TERB1: variants seen among roughly 807,000 people sequenced by gnomAD.
The protein encoded by TERB1 is telomere repeats-binding bouquet formation protein 1.
Under a neutral mutation model 92.3 loss-of-function variants are expected in TERB1, and 63 were observed. The ratio of observed to expected loss-of-function variants is 0.68; its 90% confidence interval spans 0.56 to 0.84. The LOEUF is 0.84. Among genes scored for constraint, TERB1 ranks in the 40% least tolerant of loss-of-function variants. The probability of loss-of-function intolerance (pLI) is 0.00; values close to 1 mark genes in which losing one functional copy is unlikely to be tolerated. For synonymous variants in TERB1, 252 were observed against 283.9 expected (o/e 0.89, Z 1.13); for missense variants, 709 against 843.7 (o/e 0.84, Z 1.98).
At chr16:66,776,775 A>G (rs1056700853) in intron 11 of TERB1, among the ~76,000 whole-genome samples, 1 of 152,202 alleles carries the variant, frequency 6.6e-6, no homozygotes, top group Non-Finnish European at 1.5e-5. Context: ...AATAGGTAGA[A>G]AAAGAAAGAA....
rs1327695872 is a variant in TERB1 at position 66,775,122 on chromosome 16, T to A, written c.1107A>T (p.Lys369Asn). ...TTAAAGTAATAGTACACTTACTAATTTTTTTGCAGTTGTGAAGCACAAATG... is the reference window on the plus strand; with the variant it reads ...TTAAAGTAATAGTACACTTACTAATATTTTTGCAGTTGTGAAGCACAAATG... ...AATFVLHNCK[K>N]ITEKLSLSLG... Residue 369 changes from lysine to asparagine, a missense_variant, in exon 12 of 19, where the codon AAA becomes AAT. Transcript: ENST00000433154. 1 of 1,551,502 alleles carries A rather than the reference T, an allele frequency of 6.4e-7. No homozygotes were observed.
chr16:66,801,969 C>A (rs949856959), upstream of TERB1, among the ~76,000 whole-genome samples: 3 of 152,182 alleles, frequency 2.0e-5, no homozygotes, highest in African/African-American at 7.2e-5. Flanking sequence ...TCACCACAGC[C>A]CCACAGGGGC....
At chr16:66,761,160 A>G (rs113611294) in intron 16 of TERB1, among the ~76,000 whole-genome samples, 84 of 151,494 alleles carry the variant, frequency 5.5e-4, no homozygotes, top group African/African-American at 2.0e-3. Flanking sequence ...GAAAATAAAA[A>G]GAGCATCTAG....
chr16:66,779,154 C>A, intron 9 of TERB1, 139 bp from the exon 10 acceptor site: 1 of 553,140 alleles, frequency 1.8e-6, no homozygotes, highest in Non-Finnish European at 2.9e-6. Context: ...ACTAAAAATC[C>A]AATCTTTACC....
At chr16:66,779,433 C>T (rs775818157) in intron 9 of TERB1, among the ~76,000 whole-genome samples, 5 of 151,994 alleles carry the variant, frequency 3.3e-5, no homozygotes, top group Non-Finnish European at 5.9e-5. Context: ...CCCATCTCTA[C>T]TAAAAATAAA....
rs552355122 is a variant in TERB1, at chr16:66,801,026, G to C, written c.-82C>G. 1 of 152,412 alleles carries C rather than the reference G, an allele frequency of 6.6e-6. No homozygotes were observed. The highest frequency in any genetic ancestry group is 1.9e-4 in the East Asian group (1 of 5,172). 9.4% of individuals were successfully genotyped at this position (152,412 alleles called of 1,614,324 possible). A position where few individuals can be genotyped will look rare whatever the true frequency, so the allele number is the denominator to read the frequency against. Reference sequence around the variant, plus strand: ...TGCAGAGCTTAGGTGGCCCCTCCAGGCTCCTCTCTGACCAGGGCTCGCAAG... The same window carrying C: ...TGCAGAGCTTAGGTGGCCCCTCCAGCCTCCTCTCTGACCAGGGCTCGCAAG... On this transcript the variant is annotated 5_prime_UTR_variant, in exon 2 of 19. Transcript: ENST00000433154.
intron 9 of TERB1, among the ~76,000 whole-genome samples, chr16:66,784,748 A>ATT (rs34949570): frequency 3.4e-5 from 4 of 117,600 alleles, no homozygotes; most frequent in South Asian, 5.4e-4. Context: ...TTAATTTTTA[A>ATT]TTTTTTTTTT....
chr16:66,780,573 C>CA (rs5817604), intron 9 of TERB1, among the ~76,000 whole-genome samples: 5,571 of 127,846 alleles, frequency 0.044, 142 homozygotes, highest in Middle Eastern at 0.14. Context: ...GACTCTAGCT[C>CA]AAAAAAAAAA....
intron 16 of TERB1, 62 bp from the exon 17 acceptor site, chr16:66,759,352 G>C: frequency 7.7e-7 from 1 of 1,296,198 alleles, no homozygotes; most frequent in Non-Finnish European, 1.0e-6. Flanking sequence ...ACAAATCTAT[G>C]ATAGCAAATA....
chr16:66,770,535 C>T lies in TERB1; in HGVS notation c.1273-226G>A, dbSNP rs182544355. Among the ~76,000 whole-genome samples, 355 of 152,108 alleles carry T rather than the reference C, an allele frequency of 2.3e-3. 1 individual carries two copies. The highest frequency in any genetic ancestry group is 2.9e-3 in the Non-Finnish European group (199 of 67,980). ...AAAAAATAAGTTGAATACCTCACAG[C>T]TTATACAAAGATAAAGTCAAAATGA... On this transcript the variant is annotated intron_variant, in intron 13 of 18. Coordinates refer to ENST00000433154, the MANE Select transcript of TERB1 (RefSeq NM_001136505.2).
chr16:66,788,205 A>C lies in TERB1; in HGVS notation c.364T>G (p.Ser122Ala). 1 of 1,504,394 alleles carries C rather than the reference A, an allele frequency of 6.6e-7. No individual in the cohort carries two copies. The highest frequency in any genetic ancestry group is 8.9e-7 in the Non-Finnish European group (1 of 1,123,606). 93.2% of individuals were successfully genotyped at this position (1,504,394 alleles called of 1,614,324 possible). Reference protein sequence around the residue: ...NDSNINLKRMSVYVILVLVSN... With the variant: ...NDSNINLKRMAVYVILVLVSN... ...ACCAGAACCAAAATAACATAAACAG[A>C]CATTCTTTTCAAATTTATGTTTGAA... is the stretch of plus-strand genomic sequence containing the variant. The change falls in exon 6 of 19, where the codon TCT (serine) becomes GCT (alanine). Residue 122 changes from serine (S) to alanine (A), a missense_variant. Physicochemically the swap from Ser to Ala is moderately conservative, Grantham distance 99 (BLOSUM62 1). Coordinates refer to ENST00000433154, the MANE Select transcript of TERB1 (RefSeq NM_001136505.2).
At chr16:66,778,760 TTAGTCTAAACCATGTTAC>T (rs2018589065) in intron 10 of TERB1, 85 bp downstream of exon 10, 1 of 943,814 alleles carries the variant, frequency 1.1e-6, no homozygotes. Flanking sequence ...TGTGAGAAAC[TTAGTCTAAACCATGTTAC>T]TATTCAATCT....
rs551334304 is a variant in TERB1, at chr16:66,773,100, G to A, written c.1112-351C>T. Among the ~76,000 whole-genome samples, 86 of 151,850 alleles carry A rather than the reference G, an allele frequency of 5.7e-4. 1 individual carries two copies. In the South Asian group the frequency reaches 0.017, roughly 30 times the overall value. ...TCCTTGCATTTTGGGATGCCGAGGC[G>A]GGAGGATCACTTGAGGTCAGGAGCT... On this transcript the variant is annotated intron_variant, in intron 12 of 18. Transcript: ENST00000433154.
At chr16:66,759,950 T>C (rs1267937343) in intron 16 of TERB1, among the ~76,000 whole-genome samples, 3 of 146,382 alleles carry the variant, frequency 2.0e-5, no homozygotes, top group Non-Finnish European at 3.0e-5. Context: ...CTGGCCAATA[T>C]GGTGAAACCC....
At position 66,788,171 on chromosome 16, in the gene TERB1, T is replaced by G; in HGVS notation, c.398A>C (p.Asn133Thr). The change falls in exon 6 of 19, where the codon AAT becomes ACT. Residue 133 changes from asparagine (N) to threonine (T), a missense_variant and splice_region_variant. Physicochemically the swap from Asn to Thr is moderately conservative, Grantham distance 65 (BLOSUM62 0). Coordinates refer to ENST00000433154, the MANE Select transcript of TERB1 (RefSeq NM_001136505.2). Reference sequence around the variant, plus strand: ...TAGTCATAAGAGAATGTACTTACTATTATTTGAAACCAGAACCAAAATAAC... The same window carrying G: ...TAGTCATAAGAGAATGTACTTACTAGTATTTGAAACCAGAACCAAAATAAC... ...VYVILVLVSN[N>T]RTGQTLVRET... 6.9e-7 allele frequency: 1 copy of G among 1,455,902 alleles called. No homozygotes were observed. Among genetic ancestry groups the G allele is most frequent in the African/African-American group, 1.5e-5 (1 of 68,384 alleles). The allele number at this position is 1,455,902 out of a possible 1,614,324, so 90.2% of individuals were successfully genotyped here.
intron 3 of TERB1, among the ~76,000 whole-genome samples, chr16:66,793,904 G>A (rs1246294771): frequency 6.6e-6 from 1 of 152,070 alleles, no homozygotes; most frequent in Non-Finnish European, 1.5e-5. Context: ...ATAGTACAAA[G>A]GTTATCACTA....
intron 13 of TERB1, among the ~76,000 whole-genome samples, chr16:66,770,679 A>T (rs1049478311): frequency 1.3e-5 from 2 of 152,176 alleles, no homozygotes; most frequent in Non-Finnish European, 2.9e-5. Context: ...ATAATAAAAC[A>T]AAACTAATAT....
Position 66,770,042 on chromosome 16 carries a change from A to G in TERB1, c.1540T>C (p.Leu514=), listed in dbSNP as rs1372687146. The stretch of plus-strand genomic sequence containing the variant: ...TTGCAGCTTGACTTGGCTTTATATA[A>G]AGTCTTATTTTGCTCACTCTCCCTG... The part of the protein sequence containing the change: ...CYRESEQNKT[L]YKAKSSCNQN... Residue 514 remains leucine (L), a synonymous_variant, in exon 14 of 19, where the codon TTA becomes CTA. Coordinates refer to ENST00000433154, the MANE Select transcript of TERB1 (RefSeq NM_001136505.2). 3.2e-6 allele frequency: 5 copies of G among 1,551,614 alleles called. No individual in the cohort carries two copies. Among genetic ancestry groups the G allele is most frequent in the Non-Finnish European group, 4.4e-6 (5 of 1,146,984 alleles).
intron 3 of TERB1, among the ~76,000 whole-genome samples, chr16:66,793,607 G>A (rs1725820022): frequency 6.6e-6 from 1 of 152,206 alleles, no homozygotes; most frequent in Non-Finnish European, 1.5e-5. Context: ...TGCCTCCCGG[G>A]CTCAAGCAAT....
Sources: gnomAD v4.1 joint callset for allele counts (sites outside exome capture counted in the v4.1 genomes callset) on GRCh38, gnomAD v4.1.1 for gene constraint, MANE v1.5 for transcripts, NCBI Gene and HGNC (gene_info 2026-07-23, HGNC 2026-07-21) for gene names.